Variants in CADM2 observed in about 807,000 individuals in gnomAD.
The protein encoded by CADM2 is cell adhesion molecule 2.
Under a neutral mutation model 49.8 loss-of-function variants are expected in CADM2, and 12 were observed. That is an observed-to-expected ratio of 0.24 (90% CI 0.15 to 0.39). The LOEUF is 0.39. CADM2 is among the 10% of genes least tolerant of loss of function. The pLI, the probability that CADM2 is intolerant of heterozygous loss-of-function variation, is 1.00. For synonymous variants in CADM2, 214 were observed against 175.4 expected (o/e 1.22, Z -1.74); for missense variants, 378 against 492.3 (o/e 0.77, Z 2.20).
chr3:85,423,493 G>A (rs2036267122), intron 1 of CADM2, among the ~76,000 whole-genome samples: 1 of 152,050 alleles, frequency 6.6e-6, no homozygotes, highest in Middle Eastern at 3.2e-3. Flanking sequence ...ATAGGAAAGG[G>A]AAATATAATA....
At position 85,313,051 on chromosome 3, in the gene CADM2, G is replaced by A. The variant is rs1360615030; in HGVS notation, c.61+353383G>A. Among the ~76,000 whole-genome samples the A allele has an allele frequency of 4.6e-5, 7 of 152,286 alleles. No individual in the cohort carries two copies. The East Asian group carries it at 1.2e-3, about 25-fold the overall frequency. ...TCCAAAGCTAAACAGCACCATACATGTTTTTGAAACAGGTAGACAGCTAAT... is the reference window on the plus strand; with the variant it reads ...TCCAAAGCTAAACAGCACCATACATATTTTTGAAACAGGTAGACAGCTAAT... On this transcript the variant is annotated intron_variant, in intron 1 of 9. Coordinates refer to ENST00000383699, the MANE Select transcript of CADM2 (RefSeq NM_001167675.2).
At chr3:85,913,937 C>A (rs139180201) in intron 6 of CADM2, among the ~76,000 whole-genome samples, 105 of 152,048 alleles carry the variant, frequency 6.9e-4, no homozygotes, top group Admixed American at 3.9e-3. Context: ...CTAGGAATAG[C>A]AAGGGTGCCA....
intron 2 of CADM2, among the ~76,000 whole-genome samples, chr3:85,792,680 A>G (rs1245777975): frequency 3.3e-5 from 5 of 152,214 alleles, no homozygotes; most frequent in African/African-American, 1.2e-4. Flanking sequence ...TAGCACAGGA[A>G]GAGAGATGGA....
At chr3:85,900,807 A>G (rs1165394516) in intron 5 of CADM2, among the ~76,000 whole-genome samples, 1 of 152,140 alleles carries the variant, frequency 6.6e-6, no homozygotes, top group Non-Finnish European at 1.5e-5. Flanking sequence ...ATTTCCAAAA[A>G]ATATTTTATG....
At chr3:85,442,756 A>G (rs1274615161) in intron 1 of CADM2, among the ~76,000 whole-genome samples, 2 of 151,122 alleles carry the variant, frequency 1.3e-5, no homozygotes, top group African/African-American at 4.9e-5. Flanking sequence ...TATATTTACA[A>G]TATTTTCAAA....
chr3:85,998,804 G>A (rs138650156), intron 8 of CADM2, among the ~76,000 whole-genome samples: 3 of 152,194 alleles, frequency 2.0e-5, no homozygotes, highest in African/African-American at 7.2e-5. Flanking sequence ...TTAACAATGA[G>A]AGCTTAAAGA....
chr3:85,668,295 C>CAAAAAAAA (rs11447925), intron 1 of CADM2, among the ~76,000 whole-genome samples: 76 of 81,572 alleles, frequency 9.3e-4, no homozygotes, highest in East Asian at 1.5e-3. Flanking sequence ...AGTACCAAAG[C>CAAAAAAAA]AAAAAAAAAA....
At chr3:85,182,275 C>T (rs868396105) in intron 1 of CADM2, among the ~76,000 whole-genome samples, 3 of 152,012 alleles carry the variant, frequency 2.0e-5, no homozygotes, top group African/African-American at 7.2e-5. Context: ...TGGCTCACTT[C>T]TTATAGAATC....
chr3:85,367,650 G>A (rs904141057), intron 1 of CADM2, among the ~76,000 whole-genome samples: 8 of 151,914 alleles, frequency 5.3e-5, no homozygotes, highest in South Asian at 2.1e-4. Flanking sequence ...AGTGCTTCCC[G>A]TATATATTTC....
At chr3:85,548,035 T>C (rs2061707748) in intron 1 of CADM2, among the ~76,000 whole-genome samples, 1 of 151,902 alleles carries the variant, frequency 6.6e-6, no homozygotes, top group African/African-American at 2.4e-5. Flanking sequence ...TGATCAGTCC[T>C]CAGTTGTAAA....
At chr3:85,578,962 G>A (rs927025920) in intron 1 of CADM2, among the ~76,000 whole-genome samples, 5 of 152,158 alleles carry the variant, frequency 3.3e-5, no homozygotes, top group African/African-American at 1.2e-4. Context: ...AGCAGCCACG[G>A]TGTTGCAAGT....
chr3:85,849,675 G>A (rs368832999), intron 3 of CADM2, among the ~76,000 whole-genome samples: 2 of 152,080 alleles, frequency 1.3e-5, no homozygotes, highest in African/African-American at 4.8e-5. Flanking sequence ...GCCACGCCTG[G>A]TGTTTAGCAC....
intron 3 of CADM2, among the ~76,000 whole-genome samples, chr3:85,869,259 T>C (rs76736125): frequency 6.6e-4 from 101 of 152,302 alleles, no homozygotes; most frequent in African/African-American, 2.1e-3. Flanking sequence ...TGGCTGAATC[T>C]GGTCACATGA....
intron 1 of CADM2, among the ~76,000 whole-genome samples, chr3:85,630,291 GA>G (rs1313918496): frequency 6.6e-6 from 1 of 151,680 alleles, no homozygotes; most frequent in Non-Finnish European, 1.5e-5. Context: ...TTTCCATTCC[GA>G]CTTATACCTG....
chr3:85,053,405 C>T (rs896148491), intron 1 of CADM2, among the ~76,000 whole-genome samples: 6 of 151,628 alleles, frequency 4.0e-5, no homozygotes, highest in Non-Finnish European at 4.4e-5. Context: ...GGACAAGTGA[C>T]CAAGAATTTG....
intron 1 of CADM2, among the ~76,000 whole-genome samples, chr3:85,453,707 A>T (rs1254704732): frequency 1.3e-5 from 2 of 152,134 alleles, no homozygotes; most frequent in Non-Finnish European, 2.9e-5. Context: ...CCTAAAAAAA[A>T]CCTGTTTAAT....
intron 2 of CADM2, among the ~76,000 whole-genome samples, chr3:85,753,129 CCAGGGATATTGGGAGCTGTGCTGTAGA>C (rs2068942015): frequency 6.6e-6 from 1 of 152,040 alleles, no homozygotes; most frequent in Admixed American, 6.6e-5. Flanking sequence ...AACTGTGCTC[CCAGGGATATTGGGAGCTGTGCTGTAGA>C]CAGCAGATGT....
chr3:85,119,079 C>G (rs1266005025), intron 1 of CADM2, among the ~76,000 whole-genome samples: 4 of 152,110 alleles, frequency 2.6e-5, no homozygotes, highest in Non-Finnish European at 4.4e-5. Context: ...TGAAAAGAAT[C>G]TCCTTATGCT....
intron 1 of CADM2, among the ~76,000 whole-genome samples, chr3:85,636,436 G>A (rs561858150): frequency 1.3e-5 from 2 of 152,190 alleles, no homozygotes; most frequent in South Asian, 4.1e-4. Context: ...CAAGCAATGT[G>A]TTATTACAAA....
Sources: gnomAD v4.1 joint callset for allele counts (sites outside exome capture counted in the v4.1 genomes callset) on GRCh38, gnomAD v4.1.1 for gene constraint, MANE v1.5 for transcripts, NCBI Gene and HGNC (gene_info 2026-07-23, HGNC 2026-07-21) for gene names.